The following KIFC3 variants were observed in gnomAD, a reference collection of about 807,000 sequenced individuals.
KIFC3 encodes the protein kinesin family member C3.
In KIFC3, 60 loss-of-function variants were observed where a neutral mutation model predicts 101.8. The observed-to-expected ratio is 0.59, with a 90% CI of 0.48 to 0.73. The LOEUF is 0.73. Ranked by LOEUF, KIFC3 falls within the 30% of genes least tolerant of loss-of-function variation. KIFC3 has a pLI of 0.00. For synonymous variants in KIFC3, 476 were observed against 482.7 expected (o/e 0.99, Z 0.18); for missense variants, 966 against 1,137.1 (o/e 0.85, Z 2.16).
At chr16:57,785,693 A>G in intron 3 of KIFC3, 1 of 1,190,058 alleles carries the variant, frequency 8.4e-7, no homozygotes, top group Non-Finnish European at 1.1e-6. Context: ...GGCTGATGAG[A>G]GGGCAGCAGA....
Position 57,848,527 on chromosome 16 carries a change from C to A in KIFC3, c.108+14202G>T, listed in dbSNP as rs773600768. On this transcript the variant is annotated intron_variant, in intron 1 of 2. Coordinates refer to the KIFC3 transcript ENST00000563028. ...CCTGTAGTCCTAGCTATTGGGAAGG[C>A]TGAATCCAGAGGATCCCTTGAGCCC... 1.1e-3 allele frequency among the ~76,000 whole-genome samples: 168 copies of A among 152,168 alleles called. 1 individual carries two copies. Among genetic ancestry groups the A allele is most frequent in the Non-Finnish European group, 2.0e-3 (134 of 68,042 alleles).
At chr16:57,800,736 G>C (rs1336599274) in intron 1 of KIFC3, among the ~76,000 whole-genome samples, 1 of 152,200 alleles carries the variant, frequency 6.6e-6, no homozygotes, top group Non-Finnish European at 1.5e-5. Flanking sequence ...AGAGGAAAAA[G>C]CAGCTGAATT....
Position 57,811,918 on chromosome 16 carries a change from C to CA in KIFC3, c.109-13637dup, listed in dbSNP as rs533115992. Reference sequence around the variant, plus strand: ...CCTAGGTGACAGCAAGACTCCGTCTCAAAAAAAAAAAAAAAAAAGAAGATT... The same window carrying CA: ...CCTAGGTGACAGCAAGACTCCGTCTCAAAAAAAAAAAAAAAAAAAGAAGATT... On this transcript the variant is annotated intron_variant, in intron 1 of 2. Transcript: ENST00000563028. Among the ~76,000 whole-genome samples the CA allele has an allele frequency of 4.9e-3, 528 of 107,774 alleles. 2 individuals carry two copies. Among genetic ancestry groups the CA allele is most frequent in the African/African-American group, 0.014 (425 of 29,420 alleles). 70.7% of individuals were successfully genotyped at this position (107,774 alleles called of 152,430 possible).
intron 1 of KIFC3, chr16:57,815,508 C>T: frequency 3.1e-6 from 4 of 1,272,572 alleles, no homozygotes; most frequent in Non-Finnish European, 4.1e-6. Flanking sequence ...TCTGGGACCA[C>T]ATCAGCACCT....
At chr16:57,785,550 G>A in intron 3 of KIFC3, 8 of 1,288,894 alleles carry the variant, frequency 6.2e-6, no homozygotes, top group Non-Finnish European at 8.1e-6. Flanking sequence ...TCCTCCTGTA[G>A]CTGGGTCTTC....
chr16:57,778,323 A>G (rs1555612819), intron 3 of KIFC3, among the ~76,000 whole-genome samples: 1 of 152,224 alleles, frequency 6.6e-6, no homozygotes, highest in Non-Finnish European at 1.5e-5. Flanking sequence ...TGTGAGAGCT[A>G]AAACTATAAA....
At chr16:57,797,608 C>T (rs552946723) in intron 2 of KIFC3, 10 of 836,936 alleles carry the variant, frequency 1.2e-5, no homozygotes, top group Non-Finnish European at 1.5e-5. Flanking sequence ...GCCACGTTCC[C>T]GAGCAGCCTC....
Position 57,771,384 on chromosome 16 carries a change from T to C in KIFC3, c.579A>G (p.Glu193=). The C allele has an allele frequency of 6.2e-7, 1 of 1,613,670 alleles. No individual in the cohort carries two copies. The highest frequency in any genetic ancestry group is 8.5e-7 in the Non-Finnish European group (1 of 1,180,038). The change falls in exon 6 of 20, where the codon GAA becomes GAG. Residue 193 remains glutamate (E), a synonymous_variant. Coordinates refer to ENST00000445690, the MANE Select transcript of KIFC3 (RefSeq NM_001130100.2). ...TCAGCTCTGACAGCATGCCTTTGCT[T>C]TCCGCCATCTCCAGCTGCAGCTGGG... ...KLSQLQLEMA[E]SKGMLSELNL... is the part of the protein sequence containing the mutation.
chr16:57,782,252 G>T (rs1275151672), intron 3 of KIFC3: 2 of 634,834 alleles, frequency 3.2e-6, no homozygotes, highest in Admixed American at 6.3e-5. Flanking sequence ...TAGAGACTGG[G>T]AAGTGAAGGC....
intron 1 of KIFC3, among the ~76,000 whole-genome samples, chr16:57,855,697 G>C (rs2056150411): frequency 6.6e-6 from 1 of 151,984 alleles, no homozygotes; most frequent in African/African-American, 2.4e-5. Context: ...CGTAATCTCA[G>C]CCCTGTGGGA....
At chr16:57,858,316 C>T (rs950338415) in intron 1 of KIFC3, among the ~76,000 whole-genome samples, 1 of 152,178 alleles carries the variant, frequency 6.6e-6, no homozygotes, top group Non-Finnish European at 1.5e-5. Context: ...CAGAGCACTT[C>T]GCCCCTAGGA....
At chr16:57,764,269 GGC>G in intron 11 of KIFC3, 22 bp from the exon 12 acceptor site, 3 of 1,355,064 alleles carry the variant, frequency 2.2e-6, no homozygotes, top group Non-Finnish European at 1.0e-6. Context: ...GTGGGAGGGA[GGC>G]TGGTGGGGGG....
chr16:57,763,425 G>C (rs1207049515), intron 12 of KIFC3, among the ~76,000 whole-genome samples: 11 of 152,020 alleles, frequency 7.2e-5, no homozygotes, highest in African/African-American at 2.7e-4. Flanking sequence ...GGAAATAAGA[G>C]GGCCGCCCAG....
intron 2 of KIFC3, among the ~76,000 whole-genome samples, chr16:57,797,329 C>T (rs2054407621): frequency 6.6e-6 from 1 of 152,228 alleles, no homozygotes; most frequent in African/African-American, 2.4e-5. Flanking sequence ...CCTCTCTCCC[C>T]CACACTACCA....
intron 1 of KIFC3, among the ~76,000 whole-genome samples, chr16:57,808,450 C>A (rs2054993757): frequency 6.6e-6 from 1 of 152,186 alleles, no homozygotes; most frequent in South Asian, 2.1e-4. Context: ...TCTAAACCAG[C>A]ACATGCGTTA....
chr16:57,776,111 C>T, intron 3 of KIFC3: 1 of 985,500 alleles, frequency 1.0e-6, no homozygotes, highest in East Asian at 1.1e-4. Flanking sequence ...GAAAGAAAAC[C>T]TGCTGGTTAC....
intron 11 of KIFC3, 51 bp downstream of exon 11, chr16:57,765,408 A>T (rs782463690): frequency 3.4e-5 from 51 of 1,519,536 alleles, no homozygotes; most frequent in Non-Finnish European, 4.4e-5. Context: ...CTGTGAGTCC[A>T]TCTTTCCCTC....
intron 1 of KIFC3, among the ~76,000 whole-genome samples, chr16:57,809,968 G>C (rs2055028342): frequency 6.6e-6 from 1 of 152,144 alleles, no homozygotes; most frequent in Admixed American, 6.5e-5. Context: ...GGCCAGGCCA[G>C]GTGGGGCTGA....
chr16:57,789,189 G>A (rs895144236), intron 3 of KIFC3, among the ~76,000 whole-genome samples: 2 of 152,232 alleles, frequency 1.3e-5, no homozygotes, highest in Non-Finnish European at 2.9e-5. Context: ...GACTGCCAAG[G>A]AGGCTGCGCA....
Sources: gnomAD v4.1 joint callset for allele counts (sites outside exome capture counted in the v4.1 genomes callset) on GRCh38, gnomAD v4.1.1 for gene constraint, MANE v1.5 for transcripts, NCBI Gene and HGNC (gene_info 2026-07-23, HGNC 2026-07-21) for gene names.